MACROD2: variants seen among roughly 807,000 people sequenced by gnomAD.
The protein encoded by MACROD2 is mono-ADP ribosylhydrolase 2.
Under a neutral mutation model 70.4 loss-of-function variants are expected in MACROD2, and 36 were observed. The ratio of observed to expected loss-of-function variants is 0.51; its 90% CI spans 0.39 to 0.68. The LOEUF (loss-of-function observed/expected upper bound fraction) is 0.68, where lower values mean the gene tolerates loss of function less well. Among genes scored for constraint, MACROD2 ranks in the 30% least tolerant of loss-of-function variants. The probability of loss-of-function intolerance (pLI) is 0.00; values close to 1 mark genes in which losing one functional copy is unlikely to be tolerated. For missense variants in MACROD2, 496 were observed against 538.4 expected, an observed-to-expected ratio of 0.92 and a Z score of 0.78; for synonymous variants, 172 against 178.8, an observed-to-expected ratio of 0.96 and a Z score of 0.30.
At chr20:15,227,849 T>TTTTTTTTTTTTTC (rs2076923856) in intron 5 of MACROD2, among the ~76,000 whole-genome samples, 1 of 142,876 alleles carries the variant, frequency 7.0e-6, no homozygotes, top group African/African-American at 2.6e-5. Context: ...TTTTTTTTTT[T>TTTTTTTTTTTTTC]CAAATTTAAT....
chr20:14,164,122 G>T (rs567598168), intron 3 of MACROD2, among the ~76,000 whole-genome samples: 4 of 150,974 alleles, frequency 2.6e-5, no homozygotes, highest in Non-Finnish European at 5.9e-5. Flanking sequence ...TTTTTTTGAA[G>T]ATGTATCATG....
At position 15,697,691 on chromosome 20, in the gene MACROD2, C is replaced by A. The variant is rs1159047388; in HGVS notation, c.646-165054C>A. ...ACTATTATTGTGTTGCTGTCCATCTCATTTCTTAGGTCTATTAGTAATCGT... is the reference window on the plus strand; with the variant it reads ...ACTATTATTGTGTTGCTGTCCATCTAATTTCTTAGGTCTATTAGTAATCGT... On this transcript the variant is annotated intron_variant, in intron 8 of 17. Coordinates refer to ENST00000684519, the MANE Select transcript of MACROD2 (RefSeq NM_001351661.2). Among the ~76,000 whole-genome samples the A allele has an allele frequency of 2.0e-5, 3 of 152,176 alleles. No individual in the cohort carries two copies. The South Asian group carries it at 6.2e-4, about 32-fold the overall frequency.
chr20:15,884,936 T>C (rs2064803859), intron 9 of MACROD2, among the ~76,000 whole-genome samples: 1 of 152,080 alleles, frequency 6.6e-6, no homozygotes, highest in South Asian at 2.1e-4. Flanking sequence ...GAGGTCTCTC[T>C]TAGGTCTCTT....
At chr20:14,395,555 T>G (rs1281999479) in intron 3 of MACROD2, among the ~76,000 whole-genome samples, 2 of 152,092 alleles carry the variant, frequency 1.3e-5, no homozygotes, top group African/African-American at 4.8e-5. Context: ...ATTTCATTGG[T>G]TTTTCTCTGT....
intron 5 of MACROD2, among the ~76,000 whole-genome samples, chr20:14,919,663 CAGTGGGCTT>C (rs1274016280): frequency 6.6e-6 from 1 of 152,172 alleles, no homozygotes; most frequent in Non-Finnish European, 1.5e-5. Context: ...TAATTTGACT[CAGTGGGCTT>C]AATTCAAAGC....
chr20:14,287,924 A>G (rs117867079), intron 3 of MACROD2, among the ~76,000 whole-genome samples: 1 of 152,236 alleles, frequency 6.6e-6, no homozygotes, highest in East Asian at 1.9e-4. Flanking sequence ...AGAGAGAAAT[A>G]TTCCTGAAGG....
In MACROD2 at chr20:15,647,722, AT is replaced by A. The variant is rs34556344; in HGVS notation, c.645+147890del. Among the ~76,000 whole-genome samples, 293 of 142,416 alleles carry A rather than the reference AT, an allele frequency of 2.1e-3. 1 individual carries two copies. The highest frequency in any genetic ancestry group is 4.9e-3 in the African/African-American group (190 of 38,656). The allele number at this position is 142,416 out of a possible 152,430, so 93.4% of individuals were successfully genotyped here. On this transcript the variant is annotated intron_variant, in intron 8 of 17. Transcript: ENST00000684519. ...GTAAGTAATGGAGAGACAATAGATGATTTTTTTTTTTTTTTGAGATGGAGTC... is the reference window on the plus strand; with the variant it reads ...GTAAGTAATGGAGAGACAATAGATGATTTTTTTTTTTTTTGAGATGGAGTC...
chr20:14,515,461 A>ACACACACACACACACGCG (rs571641283), intron 4 of MACROD2, among the ~76,000 whole-genome samples: 3 of 80,874 alleles, frequency 3.7e-5, no homozygotes, highest in African/African-American at 1.5e-4. Flanking sequence ...AGATACACAC[A>ACACACACACACACACGCG]CACGCACACA....
chr20:15,772,101 A>AATATATATATATATATAT (rs201468504), intron 8 of MACROD2, among the ~76,000 whole-genome samples: 3 of 91,418 alleles, frequency 3.3e-5, no homozygotes, highest in East Asian at 5.1e-4. Context: ...AAAAAAAAAA[A>AATATATATATATATATAT]ATATATATAT....
At chr20:14,878,203 G>T (rs1180287488) in intron 5 of MACROD2, among the ~76,000 whole-genome samples, 1 of 152,084 alleles carries the variant, frequency 6.6e-6, no homozygotes, top group Non-Finnish European at 1.5e-5. Context: ...GCATTGAGAG[G>T]GTTTGCCATT....
At chr20:15,984,860 TTC>T (rs1228033429) in intron 13 of MACROD2, among the ~76,000 whole-genome samples, 1 of 152,208 alleles carries the variant, frequency 6.6e-6, no homozygotes, top group African/African-American at 2.4e-5. Context: ...TGGCCTCTTT[TTC>T]TCTCTGCTGG....
intron 10 of MACROD2, among the ~76,000 whole-genome samples, chr20:15,908,425 ACAT>A (rs2065182294): frequency 6.6e-6 from 1 of 152,050 alleles, no homozygotes; most frequent in African/African-American, 2.4e-5. Context: ...CTAGTCTTAG[ACAT>A]CTTTACTTTC....
intron 5 of MACROD2, among the ~76,000 whole-genome samples, chr20:15,108,729 G>A (rs1332377837): frequency 6.6e-6 from 1 of 152,154 alleles, no homozygotes; most frequent in Non-Finnish European, 1.5e-5. Context: ...TTCAAATGAT[G>A]TAATGCTCTT....
intron 5 of MACROD2, among the ~76,000 whole-genome samples, chr20:14,972,099 C>T (rs2074697048): frequency 6.6e-6 from 1 of 152,232 alleles, no homozygotes; most frequent in Admixed American, 6.5e-5. Context: ...TTCTTAACTC[C>T]TATATCACTG....
intron 4 of MACROD2, among the ~76,000 whole-genome samples, chr20:14,545,592 TA>T (rs2085483235): frequency 6.6e-6 from 1 of 152,232 alleles, no homozygotes; most frequent in Non-Finnish European, 1.5e-5. Context: ...TGAATCATAG[TA>T]ATTAAGTAAT....
chr20:14,153,428 A>G (rs145341623), intron 3 of MACROD2, among the ~76,000 whole-genome samples: 1,945 of 152,342 alleles, frequency 0.013, 16 homozygotes, highest in South Asian at 0.037. Context: ...TGAGAGGGAA[A>G]GATGCCCAAA....
At chr20:15,227,458 G>A (rs2076916966) in intron 5 of MACROD2, among the ~76,000 whole-genome samples, 1 of 151,254 alleles carries the variant, frequency 6.6e-6, no homozygotes. Context: ...CTCCAGATAA[G>A]AGGCACTTAT....
At chr20:15,618,095 CTTT>C (rs398035424) in intron 8 of MACROD2, among the ~76,000 whole-genome samples, 2 of 70,842 alleles carry the variant, frequency 2.8e-5, no homozygotes, top group African/African-American at 5.7e-5. Flanking sequence ...CATCATTAGT[CTTT>C]TTTTTTTTTT....
intron 8 of MACROD2, among the ~76,000 whole-genome samples, chr20:15,693,924 C>T (rs1472733119): frequency 1.3e-5 from 2 of 149,282 alleles, no homozygotes; most frequent in African/African-American, 2.5e-5. Flanking sequence ...GCCTTTGCAT[C>T]CTTGTAACTT....
Sources: gnomAD v4.1 joint callset for allele counts (sites outside exome capture counted in the v4.1 genomes callset) on GRCh38, gnomAD v4.1.1 for gene constraint, MANE v1.5 for transcripts, NCBI Gene and HGNC (gene_info 2026-07-23, HGNC 2026-07-21) for gene names.